CPQ: variants seen among roughly 807,000 people sequenced by gnomAD.
The protein encoded by CPQ is carboxypeptidase Q, also known as Ser-Met dipeptidase.
CPQ carries 37 observed loss-of-function variants against 45.7 expected under a neutral mutation model. The observed-to-expected ratio is 0.81, with a 90% CI of 0.62 to 1.07. The LOEUF is 1.07. Among genes scored for constraint, CPQ ranks in the 50% least tolerant of loss-of-function variants. The pLI is 0.00. For missense variants in CPQ, 537 were observed against 572.9 expected (o/e 0.94, Z 0.64); for synonymous variants, 186 against 205.8 (o/e 0.90, Z 0.82).
chr8:96,784,449 C>G (rs1478645655), intron 1 of CPQ, among the ~76,000 whole-genome samples: 1 of 151,630 alleles, frequency 6.6e-6, no homozygotes, highest in African/African-American at 2.4e-5. Flanking sequence ...CTGAGAAGGC[C>G]TCAATGGAGG....
At chr8:97,039,640 C>T (rs946663691) in intron 6 of CPQ, among the ~76,000 whole-genome samples, 4 of 151,726 alleles carry the variant, frequency 2.6e-5, no homozygotes, top group Non-Finnish European at 4.4e-5. Flanking sequence ...CCACTCCCCC[C>T]ACCCCACAAC....
intron 2 of CPQ, among the ~76,000 whole-genome samples, chr8:96,814,657 C>A (rs182045146): frequency 3.9e-5 from 6 of 152,160 alleles, no homozygotes; most frequent in Non-Finnish European, 8.8e-5. Context: ...AGTTGGTGTG[C>A]AGGTGGTGTT....
chr8:97,032,507 T>G (rs952159510), intron 6 of CPQ, among the ~76,000 whole-genome samples: 2 of 152,226 alleles, frequency 1.3e-5, no homozygotes, highest in Non-Finnish European at 2.9e-5. Flanking sequence ...CAACAACAGC[T>G]CTATACTGTA....
In CPQ at chr8:96,758,827, C is replaced by A. The variant is rs115560783; in HGVS notation, c.-34-26037C>A. On this transcript the variant is annotated intron_variant, in intron 1 of 7. Coordinates refer to ENST00000220763, the MANE Select transcript of CPQ (RefSeq NM_016134.4). ...CTCCCAGTCTTTTTATGTCCAAAGT[C>A]CTTCACCAGTCTTCCTATTGCCTCC... is the stretch of plus-strand genomic sequence containing the variant. 5.2e-3 allele frequency among the ~76,000 whole-genome samples: 795 copies of A among 152,216 alleles called. 4 individuals carry two copies. Among genetic ancestry groups the A allele is most frequent in the African/African-American group, 0.015 (628 of 41,550 alleles).
At chr8:96,922,086 T>C (rs1812816950) in intron 4 of CPQ, among the ~76,000 whole-genome samples, 1 of 152,232 alleles carries the variant, frequency 6.6e-6, no homozygotes, top group Non-Finnish European at 1.5e-5. Flanking sequence ...AAAATTGTCT[T>C]TTAAAATTAG....
chr8:96,874,580 G>A (rs1248064221), intron 3 of CPQ, among the ~76,000 whole-genome samples: 1 of 151,522 alleles, frequency 6.6e-6, no homozygotes, highest in East Asian at 1.9e-4. Flanking sequence ...TCATACAAAT[G>A]GAATCTTGCA....
At chr8:97,113,246 T>G (rs191679574) in intron 7 of CPQ, among the ~76,000 whole-genome samples, 2 of 152,194 alleles carry the variant, frequency 1.3e-5, no homozygotes, top group East Asian at 3.9e-4. Flanking sequence ...TTGAGACAAG[T>G]CCTGTGCTGT....
chr8:96,933,415 A>C (rs1411324087), intron 4 of CPQ, among the ~76,000 whole-genome samples: 1 of 152,198 alleles, frequency 6.6e-6, no homozygotes, highest in Non-Finnish European at 1.5e-5. Flanking sequence ...GTCCTGTATC[A>C]TCAGCAGTAG....
intron 5 of CPQ, among the ~76,000 whole-genome samples, chr8:96,990,115 C>T (rs1423974841): frequency 1.3e-5 from 2 of 152,172 alleles, no homozygotes; most frequent in Non-Finnish European, 2.9e-5. Context: ...GAGTGCCCTT[C>T]TCCTCCAACT....
chr8:96,683,285 A>G (rs182535802), intron 1 of CPQ, among the ~76,000 whole-genome samples: 67 of 152,188 alleles, frequency 4.4e-4, no homozygotes, highest in Non-Finnish European at 7.5e-4. Flanking sequence ...TTTGCTAGGT[A>G]TGGTATTCTT....
chr8:96,841,076 A>G (rs1437598337), intron 3 of CPQ, among the ~76,000 whole-genome samples: 4 of 151,842 alleles, frequency 2.6e-5, no homozygotes, highest in South Asian at 2.1e-4. Flanking sequence ...AGTCCTGTAG[A>G]TATTTGAGCT....
chr8:96,799,873 T>C (rs1172178925), intron 2 of CPQ, among the ~76,000 whole-genome samples: 1 of 152,178 alleles, frequency 6.6e-6, no homozygotes, highest in East Asian at 1.9e-4. Flanking sequence ...TCACCTTGCC[T>C]CATGGTAGAT....
intron 3 of CPQ, among the ~76,000 whole-genome samples, chr8:96,837,917 A>G (rs1015164049): frequency 3.3e-5 from 5 of 152,138 alleles, no homozygotes; most frequent in Admixed American, 2.6e-4. Context: ...TACACACGGA[A>G]CAGCTCCATT....
chr8:96,896,451 C>T (rs1287139757), intron 4 of CPQ, among the ~76,000 whole-genome samples: 1 of 152,122 alleles, frequency 6.6e-6, no homozygotes, highest in African/African-American at 2.4e-5. Context: ...TGTCACTTTC[C>T]TGTCTCTGTG....
chr8:97,024,209 C>CTT (rs1303346135), intron 5 of CPQ, among the ~76,000 whole-genome samples: 1 of 152,102 alleles, frequency 6.6e-6, no homozygotes, highest in Non-Finnish European at 1.5e-5. Flanking sequence ...GCTCCGGGAC[C>CTT]TTAGTCAGTG....
intron 7 of CPQ, among the ~76,000 whole-genome samples, chr8:97,121,487 A>G (rs1811701362): frequency 6.6e-6 from 1 of 152,202 alleles, no homozygotes; most frequent in Non-Finnish European, 1.5e-5. Context: ...CACTCTGGTA[A>G]AACTTAAAAA....
At chr8:96,936,214 G>T (rs1813047479) in intron 4 of CPQ, among the ~76,000 whole-genome samples, 1 of 152,110 alleles carries the variant, frequency 6.6e-6, no homozygotes, top group Non-Finnish European at 1.5e-5. Flanking sequence ...TAAGATTGGT[G>T]GCAGGTAGTT....
At chr8:96,920,796 G>A (rs939965715) in intron 4 of CPQ, among the ~76,000 whole-genome samples, 4 of 152,102 alleles carry the variant, frequency 2.6e-5, no homozygotes, top group South Asian at 2.1e-4. Flanking sequence ...GAGAACAGGC[G>A]GCCATCTGCA....
At chr8:96,781,820 A>G (rs1810689431) in intron 1 of CPQ, among the ~76,000 whole-genome samples, 1 of 152,234 alleles carries the variant, frequency 6.6e-6, no homozygotes, top group African/African-American at 2.4e-5. Context: ...TGGGACAGGT[A>G]TAGGATAGAC....
Sources: gnomAD v4.1 joint callset for allele counts (sites outside exome capture counted in the v4.1 genomes callset) on GRCh38, gnomAD v4.1.1 for gene constraint, MANE v1.5 for transcripts, NCBI Gene and HGNC (gene_info 2026-07-23, HGNC 2026-07-21) for gene names.